Variants in TNFAIP8 observed in about 807,000 individuals in gnomAD.
The protein encoded by TNFAIP8 is tumor necrosis factor alpha-induced protein 8.
Under a neutral mutation model 13.3 loss-of-function variants are expected in TNFAIP8, and 7 were observed. That is an observed-to-expected ratio of 0.52 (90% confidence interval 0.30 to 0.99). The LOEUF is 0.99. Ranked by LOEUF, TNFAIP8 falls within the 50% of genes least tolerant of loss-of-function variation. TNFAIP8 has a pLI of 0.07. For missense variants in TNFAIP8, 258 were observed against 236.9 expected, an observed-to-expected ratio of 1.09 and a Z score of -0.58; for synonymous variants, 94 against 87.6, an observed-to-expected ratio of 1.07 and a Z score of -0.41.
rs552701323 is a variant in TNFAIP8, at chr5:119,339,425, C to T, written c.2-53391C>T. On this transcript the variant is annotated intron_variant, in intron 1 of 1. Transcript: ENST00000274456. ...AATGGACATGCTGTTGGGTCAGCCA[C>T]GATGTCTACTACACAGGTCTCCTCT... Among the ~76,000 whole-genome samples the T allele has an allele frequency of 8.7e-5, 13 of 148,718 alleles. No individual in the cohort carries two copies. The South Asian group carries it at 1.5e-3, about 17-fold the overall frequency.
At chr5:119,282,071 G>T (rs143730216) in intron 1 of TNFAIP8, among the ~76,000 whole-genome samples, 2 of 152,308 alleles carry the variant, frequency 1.3e-5, no homozygotes, top group African/African-American at 4.8e-5. Context: ...ACTTTTCAGA[G>T]TATCAACTAT....
At chr5:119,298,198 G>A (rs1749240983) in intron 1 of TNFAIP8, among the ~76,000 whole-genome samples, 1 of 152,004 alleles carries the variant, frequency 6.6e-6, no homozygotes, top group African/African-American at 2.4e-5. Flanking sequence ...TTTCTTCCTA[G>A]CCTCGATGGT....
At chr5:119,279,934 T>G (rs979401427) in intron 1 of TNFAIP8, among the ~76,000 whole-genome samples, 7 of 152,134 alleles carry the variant, frequency 4.6e-5, no homozygotes, top group African/African-American at 1.7e-4. Context: ...TCCTGTCTGA[T>G]TTATTACTGG....
At position 119,393,179 on chromosome 5, in the gene TNFAIP8, T is replaced by C. The variant is rs1460321738; in HGVS notation, c.395T>C (p.Leu132Ser). Residue 132 changes from leucine to serine, a missense_variant, in exon 2 of 2, where the codon TTA (leucine) becomes TCA (serine). Physicochemically the swap from Leu to Ser is moderately radical, Grantham distance 145 (BLOSUM62 -2). Coordinates refer to ENST00000504771, the MANE Select transcript of TNFAIP8 (RefSeq NM_014350.4). The part of the protein sequence containing the change: ...TFDRNVLSRL[L>S]NECREMLHQI... ...GACCGGAATGTGTTATCCAGGCTGT[T>C]AAATGAATGCAGAGAGATGCTGCAC... is the stretch of plus-strand genomic sequence containing the variant. 5.0e-6 allele frequency: 8 copies of C among 1,613,912 alleles called. No individual in the cohort carries two copies. Among genetic ancestry groups the C allele is most frequent in the African/African-American group, 1.3e-5 (1 of 74,944 alleles).
intron 1 of TNFAIP8, among the ~76,000 whole-genome samples, chr5:119,345,379 A>G (rs1211597184): frequency 6.6e-6 from 1 of 152,244 alleles, no homozygotes; most frequent in East Asian, 1.9e-4. Context: ...ACTTCTGGGT[A>G]TATACTCAAA....
At chr5:119,376,302 A>T (rs990351981) in intron 1 of TNFAIP8, among the ~76,000 whole-genome samples, 1 of 151,974 alleles carries the variant, frequency 6.6e-6, no homozygotes, top group Non-Finnish European at 1.5e-5. Context: ...TTTAGTAGAG[A>T]TGGGCTTTCA....
intron 1 of TNFAIP8, among the ~76,000 whole-genome samples, chr5:119,309,363 A>C (rs1219088332): frequency 6.6e-6 from 1 of 152,196 alleles, no homozygotes; most frequent in African/African-American, 2.4e-5. Context: ...AGACTGTAGA[A>C]GTGTTCCTGA....
intron 1 of TNFAIP8, among the ~76,000 whole-genome samples, chr5:119,292,874 T>G (rs185510478): frequency 7.2e-5 from 11 of 151,760 alleles, no homozygotes; most frequent in Admixed American, 7.2e-4. Flanking sequence ...AAGTGATTAG[T>G]GGCTGCCTGA....
chr5:119,352,483 A>T (rs1361475428), upstream of TNFAIP8, among the ~76,000 whole-genome samples: 2 of 152,228 alleles, frequency 1.3e-5, no homozygotes, highest in Non-Finnish European at 2.9e-5. Flanking sequence ...CTATAGGTCC[A>T]TAACTAGTTT....
At chr5:119,323,634 G>A (rs1431172571) in intron 1 of TNFAIP8, among the ~76,000 whole-genome samples, 2 of 152,162 alleles carry the variant, frequency 1.3e-5, no homozygotes, top group Admixed American at 1.3e-4. Context: ...AGTTTCCAGA[G>A]GGTTATTAAA....
intron 1 of TNFAIP8, among the ~76,000 whole-genome samples, chr5:119,373,858 C>G (rs1421567355): frequency 6.6e-6 from 1 of 152,204 alleles, no homozygotes; most frequent in Admixed American, 6.5e-5. Flanking sequence ...GCTATGTGAT[C>G]TCTGCCAGCT....
chr5:119,286,340 C>T (rs905731272), intron 1 of TNFAIP8, among the ~76,000 whole-genome samples: 2 of 152,134 alleles, frequency 1.3e-5, no homozygotes, highest in Admixed American at 6.5e-5. Context: ...AAAAAAGTCC[C>T]GGTTGGCACG....
chr5:119,299,980 G>A (rs1012670068), intron 1 of TNFAIP8, among the ~76,000 whole-genome samples: 1 of 152,216 alleles, frequency 6.6e-6, no homozygotes, highest in Admixed American at 6.5e-5. Flanking sequence ...GTATTAGCGT[G>A]GGAGTGACCC....
At position 119,394,608 on chromosome 5, in the gene TNFAIP8, A is replaced by C. The variant is rs1002134248; in HGVS notation, c.*1227A>C. ...AAACATTTCCATTGTCACTGTGTCT[A>C]TGATTTTTTTTTTTTTTTTTTTGAG... On this transcript the variant is annotated 3_prime_UTR_variant, in exon 2 of 2. Transcript: ENST00000504771. 3.6e-5 allele frequency: 4 copies of C among 110,102 alleles called. No homozygotes were observed. The highest frequency in any genetic ancestry group is 3.5e-4 in the Admixed American group (4 of 11,330). 6.8% of individuals were successfully genotyped at this position (110,102 alleles called of 1,614,324 possible).
At chr5:119,283,056 G>A (rs1748682614) in intron 1 of TNFAIP8, among the ~76,000 whole-genome samples, 2 of 152,204 alleles carry the variant, frequency 1.3e-5, no homozygotes, top group Admixed American at 1.3e-4. Context: ...TCTAGAGACA[G>A]GTGAGTTGGT....
chr5:119,319,371 G>A lies in TNFAIP8; in HGVS notation c.1+50464G>A, dbSNP rs779136937. 2.6e-5 allele frequency among the ~76,000 whole-genome samples: 4 copies of A among 152,298 alleles called. No individual in the cohort carries two copies. In the South Asian group the frequency reaches 6.2e-4, roughly 24 times the overall value. ...AGTTTGTATTCCAACATGAGGTTTC[G>A]AGAAAATAATCAGTTAATACTGTAG... On this transcript the variant is annotated intron_variant, in intron 1 of 1. Coordinates refer to the TNFAIP8 transcript ENST00000274456.
intron 1 of TNFAIP8, among the ~76,000 whole-genome samples, chr5:119,313,616 A>T (rs1749799242): frequency 6.6e-6 from 1 of 152,226 alleles, no homozygotes; most frequent in South Asian, 2.1e-4. Flanking sequence ...CTTTTTAACA[A>T]ATGATGTTTA....
At chr5:119,362,547 G>C (rs892361521) in intron 1 of TNFAIP8, among the ~76,000 whole-genome samples, 1 of 152,120 alleles carries the variant, frequency 6.6e-6, no homozygotes, top group Non-Finnish European at 1.5e-5. Context: ...TGTAATTACA[G>C]CACTTTGAGA....
At chr5:119,376,219 A>T (rs923376771) in intron 1 of TNFAIP8, among the ~76,000 whole-genome samples, 7 of 151,792 alleles carry the variant, frequency 4.6e-5, no homozygotes, top group Admixed American at 3.3e-4. Flanking sequence ...GCTTCAAGAG[A>T]TTCTCCCACC....
Sources: gnomAD v4.1 joint callset for allele counts (sites outside exome capture counted in the v4.1 genomes callset) on GRCh38, gnomAD v4.1.1 for gene constraint, MANE v1.5 for transcripts, NCBI Gene and HGNC (gene_info 2026-07-23, HGNC 2026-07-21) for gene names.